DPYD: variants seen among roughly 807,000 people sequenced by gnomAD.
DPYD encodes the protein dihydropyrimidine dehydrogenase [NADP(+)].
DPYD carries 109 observed loss-of-function variants against 116.2 expected under a neutral mutation model. That is an observed-to-expected ratio of 0.94 (90% CI 0.80 to 1.10). The LOEUF is 1.10. DPYD is among the 50% of genes least tolerant of loss of function. The pLI, the probability that DPYD is intolerant of heterozygous loss-of-function variation, is 0.00. For missense variants in DPYD, 1,302 were observed against 1,254.5 expected (o/e 1.04, Z -0.57); for synonymous variants, 440 against 432.0 (o/e 1.02, Z -0.23).
intron 13 of DPYD, among the ~76,000 whole-genome samples, chr1:97,504,802 G>A (rs904087663): frequency 6.6e-6 from 1 of 151,570 alleles, no homozygotes; most frequent in African/African-American, 2.4e-5. Flanking sequence ...TTGATAAGAG[G>A]AGGGAGGTAG....
chr1:97,131,567 C>T (rs566679483), intron 20 of DPYD, among the ~76,000 whole-genome samples: 2 of 152,260 alleles, frequency 1.3e-5, no homozygotes, highest in East Asian at 3.9e-4. Context: ...CTGAAATACA[C>T]TGAGAAGGTC....
At chr1:97,611,164 G>A (rs1032117365) in intron 8 of DPYD, among the ~76,000 whole-genome samples, 1 of 152,080 alleles carries the variant, frequency 6.6e-6, no homozygotes, top group African/African-American at 2.4e-5. Flanking sequence ...ATGCCAGAAG[G>A]CAAGGAGGAG....
In DPYD at chr1:97,593,367, G is replaced by C. The variant is rs369575517; in HGVS notation, c.979C>G (p.Pro327Ala). 1 of 1,613,990 alleles carries C rather than the reference G, an allele frequency of 6.2e-7. No homozygotes were observed. The highest frequency in any genetic ancestry group is 1.7e-5 in the Admixed American group (1 of 60,008). Reference protein sequence around the residue: ...SKAGMCACHSPLPSIRGVVIV... With the variant: ...SKAGMCACHSALPSIRGVVIV... The stretch of plus-strand genomic sequence containing the variant: ...ACGACTCCCCGTATCGATGGCAATG[G>C]AGAGTGACAGGCGCACATTCCTGAA... Residue 327 changes from proline to alanine, a missense_variant, in exon 10 of 23, where the codon CCA (proline) becomes GCA (alanine). Coordinates refer to ENST00000370192, the MANE Select transcript of DPYD (RefSeq NM_000110.4).
chr1:97,380,710 A>G (rs946813119), intron 15 of DPYD, among the ~76,000 whole-genome samples: 3 of 152,200 alleles, frequency 2.0e-5, no homozygotes, highest in Non-Finnish European at 2.9e-5. Flanking sequence ...TTACATCCCT[A>G]TATCACCACC....
At chr1:97,760,436 T>A (rs1206615001) in intron 3 of DPYD, among the ~76,000 whole-genome samples, 1 of 152,088 alleles carries the variant, frequency 6.6e-6, no homozygotes, top group African/African-American at 2.4e-5. Flanking sequence ...AAAATAGCAA[T>A]ACAACAATAA....
intron 3 of DPYD, among the ~76,000 whole-genome samples, chr1:97,746,364 A>T (rs77698924): frequency 0.013 from 2,004 of 152,220 alleles, 41 homozygotes; most frequent in African/African-American, 0.045. Flanking sequence ...ATATGCTACA[A>T]AATCCTCAAT....
intron 12 of DPYD, among the ~76,000 whole-genome samples, chr1:97,532,503 G>A (rs1381550930): frequency 6.6e-6 from 1 of 152,082 alleles, no homozygotes; most frequent in Non-Finnish European, 1.5e-5. Flanking sequence ...GAAGCCACCT[G>A]GTCGTAGGCT....
rs918275696 is a variant in DPYD at position 97,271,912 on chromosome 1, C to A, written c.2299+33347G>T. Among the ~76,000 whole-genome samples, 10 of 152,274 alleles carry A rather than the reference C, an allele frequency of 6.6e-5. No individual in the cohort carries two copies. The South Asian group carries it at 2.1e-3, about 32-fold the overall frequency. ...ATATCAATAACTGCAGCTTCAGTTG[C>A]CCTTATATCACAGTGTTCCTTTTTA... On this transcript the variant is annotated intron_variant, in intron 18 of 22. Coordinates refer to ENST00000370192, the MANE Select transcript of DPYD (RefSeq NM_000110.4).
At chr1:97,221,090 G>T (rs1410656819) in intron 19 of DPYD, among the ~76,000 whole-genome samples, 1 of 152,148 alleles carries the variant, frequency 6.6e-6, no homozygotes, top group Non-Finnish European at 1.5e-5. Flanking sequence ...AACTGAAGAA[G>T]TCAGGGATAA....
At chr1:97,140,806 G>A (rs1044744112) in intron 20 of DPYD, among the ~76,000 whole-genome samples, 1 of 152,152 alleles carries the variant, frequency 6.6e-6, no homozygotes, top group Admixed American at 6.6e-5. Context: ...GTCTGGAAGT[G>A]ATCAGAAAAA....
chr1:97,919,272 A>G (rs549007366), intron 1 of DPYD, among the ~76,000 whole-genome samples: 9 of 152,100 alleles, frequency 5.9e-5, no homozygotes, highest in African/African-American at 2.2e-4. Flanking sequence ...TAAAAGTAAT[A>G]TTAGGCAAAC....
intron 20 of DPYD, among the ~76,000 whole-genome samples, chr1:97,166,171 C>A (rs1045430022): frequency 6.6e-6 from 1 of 152,144 alleles, no homozygotes; most frequent in Non-Finnish European, 1.5e-5. Flanking sequence ...ATAGCAAAGT[C>A]ATTAAATCAA....
intron 20 of DPYD, among the ~76,000 whole-genome samples, chr1:97,186,892 G>A (rs1452725752): frequency 6.6e-6 from 1 of 151,732 alleles, no homozygotes; most frequent in Non-Finnish European, 1.5e-5. Context: ...AAAGAAAATG[G>A]CTTCCAGATC....
intron 18 of DPYD, among the ~76,000 whole-genome samples, chr1:97,242,145 T>TAC (rs1662401223): frequency 7.7e-6 from 1 of 130,618 alleles, no homozygotes; most frequent in Non-Finnish European, 1.7e-5. Context: ...TATATATATA[T>TAC]ATATATATAT....
At chr1:97,686,260 A>G (rs1483404597) in intron 7 of DPYD, among the ~76,000 whole-genome samples, 1 of 152,220 alleles carries the variant, frequency 6.6e-6, no homozygotes, top group Non-Finnish European at 1.5e-5. Flanking sequence ...TGGTGCTGGG[A>G]AAGCTGGCTA....
intron 12 of DPYD, among the ~76,000 whole-genome samples, chr1:97,528,290 G>C (rs1557774855): frequency 6.6e-6 from 1 of 152,064 alleles, no homozygotes; most frequent in Non-Finnish European, 1.5e-5. Flanking sequence ...ATTTCCTTCT[G>C]ATATAAAATC....
chr1:97,701,571 G>A (rs1661600171), intron 5 of DPYD, among the ~76,000 whole-genome samples: 1 of 151,856 alleles, frequency 6.6e-6, no homozygotes, highest in East Asian at 1.9e-4. Context: ...AGATATAAAT[G>A]TAAGTTTTCT....
chr1:97,671,106 T>A (rs1489855964), intron 8 of DPYD, among the ~76,000 whole-genome samples: 2 of 152,120 alleles, frequency 1.3e-5, no homozygotes, highest in African/African-American at 2.4e-5. Context: ...ATAAGCTGTA[T>A]AATGTTAAAA....
At chr1:97,577,299 C>A (rs775446846) in intron 10 of DPYD, among the ~76,000 whole-genome samples, 2 of 152,160 alleles carry the variant, frequency 1.3e-5, no homozygotes, top group Non-Finnish European at 2.9e-5. Flanking sequence ...CCCTGATCAC[C>A]ACATCCCTAT....
Sources: allele counts gnomAD v4.1 joint callset (sites outside exome capture counted in the v4.1 genomes callset), GRCh38; gene constraint gnomAD v4.1.1; transcripts MANE v1.5; gene names NCBI Gene and HGNC (gene_info 2026-07-23, HGNC 2026-07-21).